Variants in NDC1 observed in about 807,000 individuals in gnomAD.
NDC1 encodes nucleoporin NDC1.
A neutral mutation model predicts 89.8 loss-of-function variants in NDC1; 24 were observed. The observed-to-expected ratio is 0.27, with a 90% CI of 0.19 to 0.38. NDC1 has a LOEUF of 0.38. Ranked by LOEUF, NDC1 falls within the 10% of genes least tolerant of loss-of-function variation. The pLI, the probability that NDC1 is intolerant of heterozygous loss-of-function variation, is 1.00. For synonymous variants in NDC1, 296 were observed against 284.8 expected, an observed-to-expected ratio of 1.04 and a Z score of -0.39; for missense variants, 728 against 797.6, an observed-to-expected ratio of 0.91 and a Z score of 1.05.
At chr1:53,804,375 G>C (rs903827684) in intron 9 of NDC1, among the ~76,000 whole-genome samples, 9 of 152,160 alleles carry the variant, frequency 5.9e-5, no homozygotes, top group African/African-American at 2.2e-4. Context: ...ATGTTTACTT[G>C]TCCCATCTGA....
chr1:53,817,335 A>C (rs1648516072), intron 6 of NDC1, among the ~76,000 whole-genome samples: 1 of 152,242 alleles, frequency 6.6e-6, no homozygotes, highest in Non-Finnish European at 1.5e-5. Flanking sequence ...CAGCATTTGC[A>C]GTGACCTGGA....
chr1:53,835,785 G>A (rs41305860), intron 1 of NDC1, among the ~76,000 whole-genome samples, 165 bp from the exon 2 acceptor site: 1 of 152,038 alleles, frequency 6.6e-6, no homozygotes, highest in Non-Finnish European at 1.5e-5. Flanking sequence ...AGAATTTATA[G>A]TATCAGTGAG....
chr1:53,792,090 C>A (rs1234572698), intron 14 of NDC1, among the ~76,000 whole-genome samples: 1 of 151,972 alleles, frequency 6.6e-6, no homozygotes, highest in Admixed American at 6.6e-5. Context: ...CCACAGGCGC[C>A]CACCACTGCG....
Position 53,803,951 on chromosome 1 carries a change from T to G in NDC1, c.1043A>C (p.Glu348Ala), listed in dbSNP as rs759485673. The G allele has an allele frequency of 1.4e-5, 23 of 1,613,866 alleles. No homozygotes were observed. Among genetic ancestry groups the G allele is most frequent in the Middle Eastern group, 1.6e-4 (1 of 6,084 alleles). The change falls in exon 10 of 18, where the codon GAA (glutamate) becomes GCA (alanine). Residue 348 changes from glutamate (E) to alanine (A), a missense_variant. By Grantham distance (107) the Glu-to-Ala change is moderately radical. Coordinates refer to ENST00000371429, the MANE Select transcript of NDC1 (RefSeq NM_018087.5). ...LSQYSPSRRQ[E>A]VFSLSQPGGH... ...ACCTGGTTGGCTGAGGCTGAAAACT[T>G]CTTGTCTTCGTGAAGGAGAATATTG...
At chr1:53,822,756 C>T (rs1157105436) in intron 5 of NDC1, among the ~76,000 whole-genome samples, 2 of 152,070 alleles carry the variant, frequency 1.3e-5, no homozygotes, top group Non-Finnish European at 2.9e-5. Context: ...TATAAACATA[C>T]TCAGACTGTC....
At chr1:53,816,646 A>AAAC (rs1553149892) in intron 6 of NDC1, among the ~76,000 whole-genome samples, 2 of 123,850 alleles carry the variant, frequency 1.6e-5, no homozygotes, top group African/African-American at 9.4e-5. Flanking sequence ...AACAAAAAAC[A>AAAC]AAAAAAAAAA....
chr1:53,807,147 T>A (rs1326585629), intron 8 of NDC1, among the ~76,000 whole-genome samples: 1 of 148,218 alleles, frequency 6.7e-6, no homozygotes, highest in African/African-American at 2.5e-5. Flanking sequence ...CTCGGGAAGC[T>A]GAGGTGGGAG....
At chr1:53,831,131 G>A (rs151317692) in intron 3 of NDC1, among the ~76,000 whole-genome samples, 1,644 of 148,746 alleles carry the variant, frequency 0.011, 33 homozygotes, top group African/African-American at 0.038. Flanking sequence ...AGGCTGAGGC[G>A]GGAGAACGGC....
At chr1:53,784,363 T>C (rs1165912751) in intron 16 of NDC1, among the ~76,000 whole-genome samples, 4 of 152,174 alleles carry the variant, frequency 2.6e-5, no homozygotes, top group Admixed American at 2.0e-4. Flanking sequence ...GAATAAGGGA[T>C]GTGGATCAAG....
intron 3 of NDC1, 124 bp downstream of exon 3, chr1:53,832,366 A>C: frequency 1.7e-6 from 1 of 580,498 alleles, no homozygotes; most frequent in Non-Finnish European, 3.1e-6. Context: ...CATTTGAAGC[A>C]TATGATTCTG....
chr1:53,793,273 T>C lies in NDC1; in HGVS notation c.1591A>G (p.Asn531Asp). The stretch of plus-strand genomic sequence containing the variant: ...ATCAGCACCCGTTTTGACAAGAAAT[T>C]CTTAATCTGAGTTGGAAAAAAGGAA... Reference protein sequence around the residue: ...WIQNKREQIKNFLSKRVLIMY... With the variant: ...WIQNKREQIKDFLSKRVLIMY... Residue 531 changes from asparagine (N) to aspartate (D), a missense_variant, in exon 14 of 18, where the codon AAT becomes GAT. Transcript: ENST00000371429. The C allele has an allele frequency of 6.2e-7, 1 of 1,609,696 alleles. No homozygotes were observed. The highest frequency in any genetic ancestry group is 8.5e-7 in the Non-Finnish European group (1 of 1,175,928).
chr1:53,824,427 T>C (rs555286740), intron 5 of NDC1, among the ~76,000 whole-genome samples: 29 of 152,172 alleles, frequency 1.9e-4, no homozygotes, highest in African/African-American at 6.7e-4. Flanking sequence ...TCCAACACAT[T>C]CTTATATGTT....
intron 16 of NDC1, among the ~76,000 whole-genome samples, chr1:53,778,218 A>G (rs923568372): frequency 1.3e-5 from 2 of 151,710 alleles, no homozygotes; most frequent in Non-Finnish European, 2.9e-5. Flanking sequence ...TACCTCAGAT[A>G]CCAAAAGGAA....
chr1:53,795,163 T>G (rs570558761), intron 13 of NDC1, among the ~76,000 whole-genome samples: 1 of 152,216 alleles, frequency 6.6e-6, no homozygotes, highest in East Asian at 1.9e-4. Context: ...TTCTCCTCCT[T>G]GAAACTCTTT....
chr1:53,807,793 T>TG lies in NDC1; in HGVS notation c.756-3dup. 6.3e-7 allele frequency: 1 copy of TG among 1,591,550 alleles called. No homozygotes were observed. Among genetic ancestry groups the TG allele is most frequent in the Non-Finnish European group, 8.5e-7 (1 of 1,174,314 alleles). On this transcript the variant is annotated splice_polypyrimidine_tract_variant and splice_region_variant and intron_variant, in intron 7 of 17. Coordinates refer to ENST00000371429, the MANE Select transcript of NDC1 (RefSeq NM_018087.5). ...GTGTCAAGTGGCCTATGAACCTGCC[T>TG]GTGAATGCAGAAATTACTATTAATC...
At position 53,837,800 on chromosome 1, in the gene NDC1, T is replaced by C. The variant is rs535552989; in HGVS notation, c.57+405A>G. Among the ~76,000 whole-genome samples, 47 of 152,336 alleles carry C rather than the reference T, an allele frequency of 3.1e-4. 1 individual carries two copies. Among genetic ancestry groups the C allele is most frequent in the African/African-American group, 1.1e-3 (46 of 41,578 alleles). On this transcript the variant is annotated intron_variant, in intron 1 of 17. Transcript: ENST00000371429. Reference sequence around the variant, plus strand: ...CCTTACAAAGAACACCTGCCCTGCTTACTGGACCCTAACCCCAGCCTCTAC... The same window carrying C: ...CCTTACAAAGAACACCTGCCCTGCTCACTGGACCCTAACCCCAGCCTCTAC...
At chr1:53,774,427 T>C (rs1647144674) in intron 16 of NDC1, among the ~76,000 whole-genome samples, 1 of 152,202 alleles carries the variant, frequency 6.6e-6, no homozygotes, top group Admixed American at 6.5e-5. Context: ...AAAGTTATAT[T>C]CTTTTCAATT....
At chr1:53,826,293 T>G (rs1212674177) in intron 4 of NDC1, among the ~76,000 whole-genome samples, 2 of 152,232 alleles carry the variant, frequency 1.3e-5, no homozygotes, top group Non-Finnish European at 2.9e-5. Context: ...TTGTGTTATC[T>G]CTTTAAAACT....
chr1:53,811,481 C>G (rs1013368619), intron 6 of NDC1, among the ~76,000 whole-genome samples: 6 of 152,084 alleles, frequency 3.9e-5, no homozygotes, highest in African/African-American at 9.7e-5. Flanking sequence ...CTGGGTGAGG[C>G]CTGTGACTGC....
Sources: gnomAD v4.1 joint callset for allele counts (sites outside exome capture counted in the v4.1 genomes callset) on GRCh38, gnomAD v4.1.1 for gene constraint, MANE v1.5 for transcripts, NCBI Gene and HGNC (gene_info 2026-07-23, HGNC 2026-07-21) for gene names.